APLP2: variants seen among roughly 807,000 people sequenced by gnomAD.
APLP2 encodes the protein amyloid beta precursor like protein 2.
Under a neutral mutation model 89.9 loss-of-function variants are expected in APLP2, and 53 were observed. The ratio of observed to expected loss-of-function variants is 0.59; its 90% CI spans 0.47 to 0.74. The LOEUF (loss-of-function observed/expected upper bound fraction) is 0.74, where lower values mean the gene tolerates loss of function less well. Ranked by LOEUF, APLP2 falls within the 30% of genes least tolerant of loss-of-function variation. APLP2 has a pLI of 0.00. For missense variants in APLP2, 973 were observed against 975.9 expected, an observed-to-expected ratio of 1.00 and a Z score of 0.04; for synonymous variants, 372 against 348.6, an observed-to-expected ratio of 1.07 and a Z score of -0.75.
chr11:130,103,431 G>T (rs1238333702), intron 1 of APLP2, among the ~76,000 whole-genome samples: 3 of 152,004 alleles, frequency 2.0e-5, no homozygotes, highest in East Asian at 3.9e-4. Context: ...CTGATGTGAG[G>T]ATCTGTTGGT....
intron 2 of APLP2, 48 bp downstream of exon 2, chr11:130,109,650 G>A (rs747418704): frequency 2.4e-5 from 37 of 1,559,296 alleles, no homozygotes; most frequent in Non-Finnish European, 3.2e-5. Flanking sequence ...CTGGGGCAGG[G>A]TTGAATCTGT....
chr11:130,122,214 G>C (rs910739236), intron 5 of APLP2, 91 bp from the exon 6 acceptor site: 39 of 1,457,776 alleles, frequency 2.7e-5, no homozygotes, highest in Admixed American at 7.4e-5. Flanking sequence ...TCCTGCCTCT[G>C]TTTTTGTGTT....
rs1952441109 is a variant in APLP2, at chr11:130,141,863, C to G, written c.1999-56C>G. 23 of 1,559,100 alleles carry G rather than the reference C, an allele frequency of 1.5e-5. 1 individual carries two copies. In the South Asian group the frequency reaches 2.8e-4, roughly 19 times the overall value. Reference sequence around the variant, plus strand: ...GCGTGGCCCTCAGTGAGTTACTTGCCTCACGGCTGCCAGATGGTCACTGGG... The same window carrying G: ...GCGTGGCCCTCAGTGAGTTACTTGCGTCACGGCTGCCAGATGGTCACTGGG... On this transcript the variant is annotated intron_variant, in intron 15 of 16. Coordinates refer to ENST00000338167, the MANE Select transcript of APLP2 (RefSeq NM_001142276.2). This position sits in a 1 kb window ranked among gnomAD's most constrained non-coding sequence, Gnocchi z 4.2.
At chr11:130,137,597 T>C (rs1951786760) in intron 13 of APLP2, among the ~76,000 whole-genome samples, 1 of 152,230 alleles carries the variant, frequency 6.6e-6, no homozygotes, top group African/African-American at 2.4e-5. Flanking sequence ...TCTGGGTAGA[T>C]TTTTAGAAGT....
chr11:130,117,184 C>CT (rs1949288529), intron 3 of APLP2, among the ~76,000 whole-genome samples: 1 of 151,936 alleles, frequency 6.6e-6, no homozygotes, highest in Non-Finnish European at 1.5e-5. Context: ...CAGTGGTGTT[C>CT]TTTTTTGATT....
intron 13 of APLP2, chr11:130,138,655 G>A (rs1951943348): frequency 7.2e-6 from 1 of 138,038 alleles, no homozygotes; most frequent in South Asian, 2.3e-4. Flanking sequence ...GTGCGGTCTT[G>A]GCTCACTGCA....
chr11:130,094,504 A>G (rs1945927059), intron 1 of APLP2, among the ~76,000 whole-genome samples: 1 of 152,172 alleles, frequency 6.6e-6, no homozygotes, highest in Non-Finnish European at 1.5e-5. Flanking sequence ...TTACTTCTAT[A>G]TGTAAAAAAA....
At chr11:130,117,755 A>G (rs917467096) in intron 3 of APLP2, among the ~76,000 whole-genome samples, 4 of 152,104 alleles carry the variant, frequency 2.6e-5, no homozygotes, top group East Asian at 1.9e-4. Flanking sequence ...AGTTTATCCA[A>G]GGTGTTGTAT....
rs1359070557 is a variant in APLP2 at position 130,135,651 on chromosome 11, G to A, written c.1773G>A (p.Glu591=). 16 of 1,614,172 alleles carry A rather than the reference G, an allele frequency of 9.9e-6. No individual in the cohort carries two copies. Among genetic ancestry groups the A allele is most frequent in the Non-Finnish European group, 1.4e-5 (16 of 1,180,028 alleles). ...CTGTGGACGTCCGGGTGAGCTCTGA[G>A]GAGAGTGAGGAGATCCCACCGTTCC... ...ETPVDVRVSS[E]ESEEIPPFHP... is the part of the protein sequence containing the mutation. Residue 591 remains glutamate, a synonymous_variant, in exon 13 of 17, where the codon GAG becomes GAA. Coordinates refer to ENST00000338167, the MANE Select transcript of APLP2 (RefSeq NM_001142276.2).
chr11:130,129,100 A>G lies in APLP2; in HGVS notation c.1349A>G (p.Gln450Arg). Residue 450 changes from glutamine (Q) to arginine (R), a missense_variant, in exon 10 of 17, where the codon CAG (glutamine) becomes CGG (arginine). Coordinates refer to ENST00000338167, the MANE Select transcript of APLP2 (RefSeq NM_001142276.2). ...ALEKEAASEK[Q>R]QLVETHLARV... ...GAGAAGGAAGCAGCCAGTGAGAAGC[A>G]GCAGCTGGTGGAGACCCACCTGGCC... 1 of 1,614,242 alleles carries G rather than the reference A, an allele frequency of 6.2e-7. No homozygotes were observed. Among genetic ancestry groups the G allele is most frequent in the Non-Finnish European group, 8.5e-7 (1 of 1,180,032 alleles).
intron 1 of APLP2, among the ~76,000 whole-genome samples, chr11:130,082,015 C>T (rs61205233): frequency 0.21 from 32,118 of 152,024 alleles, 4,634 homozygotes; most frequent in East Asian, 0.43. Context: ...TGTAGGGCAC[C>T]GTGACAGAAC....
chr11:130,137,940 C>A (rs1951827624), intron 13 of APLP2, among the ~76,000 whole-genome samples: 1 of 152,186 alleles, frequency 6.6e-6, no homozygotes, highest in Non-Finnish European at 1.5e-5. Context: ...CTGAACGTCC[C>A]TGTAGGATGA....
chr11:130,120,877 C>T, intron 4 of APLP2, 59 bp downstream of exon 4: 1 of 1,198,704 alleles, frequency 8.3e-7, no homozygotes, highest in East Asian at 2.3e-5. Flanking sequence ...GGAAGTAGCA[C>T]TTTTCTCCAA....
intron 1 of APLP2, among the ~76,000 whole-genome samples, chr11:130,074,465 T>C (rs1236211242): frequency 6.6e-6 from 1 of 152,192 alleles, no homozygotes; most frequent in African/African-American, 2.4e-5. Flanking sequence ...CTGCCTGCCT[T>C]GGCCTTCCAA....
intron 1 of APLP2, among the ~76,000 whole-genome samples, chr11:130,097,142 C>T (rs73583493): frequency 0.055 from 8,361 of 152,100 alleles, 615 homozygotes; most frequent in East Asian, 0.24. Context: ...AGAGCACTTT[C>T]GTATTTTTGT....
At chr11:130,097,368 A>G (rs1946349413) in intron 1 of APLP2, among the ~76,000 whole-genome samples, 1 of 152,262 alleles carries the variant, frequency 6.6e-6, no homozygotes, top group African/African-American at 2.4e-5. Flanking sequence ...TATTCACCCA[A>G]GAATTTCATG....
intron 1 of APLP2, among the ~76,000 whole-genome samples, chr11:130,072,914 A>G (rs1941397064): frequency 6.6e-6 from 1 of 152,216 alleles, no homozygotes; most frequent in Admixed American, 6.5e-5. Flanking sequence ...TGTAGCCACA[A>G]GCCACATGTG....
At chr11:130,078,168 T>TC (rs200518010) in intron 1 of APLP2, among the ~76,000 whole-genome samples, 1 of 132,390 alleles carries the variant, frequency 7.6e-6, no homozygotes, top group Admixed American at 7.2e-5. Flanking sequence ...TTTCTTTCTT[T>TC]TTTTTTTTTT....
At chr11:130,074,270 C>T (rs1005658216) in intron 1 of APLP2, among the ~76,000 whole-genome samples, 2 of 152,104 alleles carry the variant, frequency 1.3e-5, no homozygotes, top group South Asian at 2.1e-4. Context: ...GGCTGGAGTG[C>T]ACTGGCATGA....
Sources: gnomAD v4.1 joint callset for allele counts (sites outside exome capture counted in the v4.1 genomes callset) on GRCh38, gnomAD v4.1.1 for gene constraint, Gnocchi (gnomAD v3.1) non-coding constraint, MANE v1.5 for transcripts, NCBI Gene and HGNC (gene_info 2026-07-23, HGNC 2026-07-21) for gene names.